ZNF385D: variants seen among roughly 807,000 people sequenced by gnomAD.
ZNF385D encodes zinc finger protein 385D, also known as zinc finger protein 659.
Under a neutral mutation model 35.8 loss-of-function variants are expected in ZNF385D, and 15 were observed. The observed-to-expected ratio is 0.42, with a 90% CI of 0.28 to 0.64. The LOEUF (loss-of-function observed/expected upper bound fraction) is 0.64, where lower values mean the gene tolerates loss of function less well. Among genes scored for constraint, ZNF385D ranks in the 30% least tolerant of loss-of-function variants. The probability of loss-of-function intolerance (pLI) is 0.23; values close to 1 mark genes in which losing one functional copy is unlikely to be tolerated. For synonymous variants in ZNF385D, 212 were observed against 186.8 expected, an observed-to-expected ratio of 1.13 and a Z score of -1.10; for missense variants, 474 against 494.6, an observed-to-expected ratio of 0.96 and a Z score of 0.39.
intron 3 of ZNF385D, among the ~76,000 whole-genome samples, chr3:22,067,535 G>A (rs527289333): frequency 1.4e-4 from 22 of 152,296 alleles, no homozygotes; most frequent in African/African-American, 5.1e-4. Context: ...CAAAACAGAA[G>A]TGTATATCCC....
chr3:21,813,657 G>C (rs768472107), intron 3 of ZNF385D, among the ~76,000 whole-genome samples: 2 of 151,870 alleles, frequency 1.3e-5, no homozygotes, highest in Non-Finnish European at 2.9e-5. Context: ...AGAGAAAAAA[G>C]AGTAAAAAGA....
chr3:21,702,183 A>G (rs1048481513), intron 1 of ZNF385D, among the ~76,000 whole-genome samples: 1 of 152,208 alleles, frequency 6.6e-6, no homozygotes, highest in Non-Finnish European at 1.5e-5. Flanking sequence ...TTGCCTGGGC[A>G]TCCAGGCGTT....
At chr3:21,865,001 T>TTTTTTC (rs1553687703) in intron 3 of ZNF385D, among the ~76,000 whole-genome samples, 2 of 149,588 alleles carry the variant, frequency 1.3e-5, no homozygotes, top group African/African-American at 5.0e-5. Context: ...TTTTTTTTTT[T>TTTTTTC]TTCTTCCACT....
intron 3 of ZNF385D, among the ~76,000 whole-genome samples, chr3:22,087,062 G>A (rs1701083533): frequency 6.6e-6 from 1 of 152,016 alleles, no homozygotes; most frequent in Non-Finnish European, 1.5e-5. Context: ...ATGTACCCTA[G>A]AACTTAAAGT....
intron 3 of ZNF385D, among the ~76,000 whole-genome samples, chr3:22,128,171 GT>G (rs1426038735): frequency 2.6e-5 from 4 of 152,258 alleles, no homozygotes; most frequent in Middle Eastern, 3.4e-3. Context: ...TAAGTTAAAA[GT>G]TTTTTTCCAT....
chr3:22,231,410 C>G (rs923238495), intron 2 of ZNF385D, among the ~76,000 whole-genome samples: 10 of 152,112 alleles, frequency 6.6e-5, no homozygotes, highest in African/African-American at 2.4e-4. Flanking sequence ...CTTCTTCCAC[C>G]AGCCCCAAGG....
chr3:21,925,653 CT>C (rs140585954), intron 3 of ZNF385D, among the ~76,000 whole-genome samples: 73 of 152,234 alleles, frequency 4.8e-4, no homozygotes, highest in African/African-American at 1.4e-3. Context: ...CAAGTAGTTA[CT>C]TTCCGAAAGG....
intron 3 of ZNF385D, chr3:21,563,412 TTC>T (rs1486402150): frequency 6.6e-6 from 1 of 152,230 alleles, no homozygotes; most frequent in Non-Finnish European, 1.5e-5. Context: ...CAATCCACTC[TTC>T]TCTTTTTTAA....
intron 3 of ZNF385D, among the ~76,000 whole-genome samples, chr3:21,971,178 A>G (rs2125341025): frequency 6.6e-6 from 1 of 152,204 alleles, no homozygotes; most frequent in Non-Finnish European, 1.5e-5. Context: ...ATATTATAAC[A>G]AACACTGTAA....
chr3:21,430,871 T>C (rs1319017971), intron 5 of ZNF385D, among the ~76,000 whole-genome samples: 1 of 152,166 alleles, frequency 6.6e-6, no homozygotes, highest in African/African-American at 2.4e-5. Flanking sequence ...CACACTTCCA[T>C]AGTATAATTG....
intron 3 of ZNF385D, among the ~76,000 whole-genome samples, chr3:21,544,195 A>G (rs531006320): frequency 8.5e-5 from 13 of 152,306 alleles, no homozygotes; most frequent in African/African-American, 2.9e-4. Context: ...AAGTGTTTTG[A>G]GGTTAAACTG....
intron 3 of ZNF385D, among the ~76,000 whole-genome samples, chr3:22,125,083 T>G (rs1559387510): frequency 6.6e-6 from 1 of 152,150 alleles, no homozygotes; most frequent in Non-Finnish European, 1.5e-5. Flanking sequence ...CGACTTTAAT[T>G]TTATTCTGTA....
intron 2 of ZNF385D, among the ~76,000 whole-genome samples, chr3:22,287,921 A>C (rs984185018): frequency 5.3e-5 from 8 of 151,872 alleles, no homozygotes; most frequent in Non-Finnish European, 1.0e-4. Flanking sequence ...TTTTGTTAGC[A>C]CTTTTTGTGA....
chr3:22,119,184 G>C (rs548594386), intron 3 of ZNF385D, among the ~76,000 whole-genome samples: 1 of 152,148 alleles, frequency 6.6e-6, no homozygotes, highest in East Asian at 1.9e-4. Flanking sequence ...GGCTTCAGAA[G>C]GAATCTGCTT....
At chr3:21,654,465 A>T (rs1206477329) in intron 2 of ZNF385D, among the ~76,000 whole-genome samples, 1 of 152,044 alleles carries the variant, frequency 6.6e-6, no homozygotes. Context: ...AATTTCAGTA[A>T]CAATGTTCTT....
At chr3:21,582,209 T>C (rs954402385) in intron 2 of ZNF385D, among the ~76,000 whole-genome samples, 10 of 152,184 alleles carry the variant, frequency 6.6e-5, no homozygotes, top group African/African-American at 2.4e-4. Flanking sequence ...TGTGTGGGGT[T>C]GGTAAACAAA....
intron 3 of ZNF385D, among the ~76,000 whole-genome samples, chr3:21,973,023 C>T (rs1196452643): frequency 6.6e-6 from 1 of 151,864 alleles, no homozygotes; most frequent in Non-Finnish European, 1.5e-5. Context: ...TTTAATCAAA[C>T]TATTCTGAAA....
chr3:21,754,873 T>C (rs2125567551), upstream of ZNF385D, among the ~76,000 whole-genome samples: 1 of 152,344 alleles, frequency 6.6e-6, no homozygotes, highest in East Asian at 1.9e-4. Flanking sequence ...AGGGAATGAA[T>C]GAATGAGCAT....
chr3:21,613,703 G>C (rs2064756735), intron 2 of ZNF385D, among the ~76,000 whole-genome samples: 1 of 152,202 alleles, frequency 6.6e-6, no homozygotes, highest in Admixed American at 6.5e-5. Flanking sequence ...GTCTAGGACA[G>C]AGTGAGAATA....
Sources: gnomAD v4.1 joint callset for allele counts (sites outside exome capture counted in the v4.1 genomes callset) on GRCh38, gnomAD v4.1.1 for gene constraint, MANE v1.5 for transcripts, NCBI Gene and HGNC (gene_info 2026-07-23, HGNC 2026-07-21) for gene names.